The following MAP2K6 variants were observed in gnomAD, a reference collection of about 807,000 sequenced individuals.
MAP2K6 encodes the protein dual specificity mitogen-activated protein kinase kinase 6.
MAP2K6 carries 16 observed loss-of-function variants against 53.7 expected under a neutral mutation model. The ratio of observed to expected loss-of-function variants is 0.30; its 90% CI spans 0.20 to 0.45. The LOEUF is 0.45. Among genes scored for constraint, MAP2K6 ranks in the 20% least tolerant of loss-of-function variants. MAP2K6 has a pLI of 1.00. For missense variants in MAP2K6, 204 were observed against 411.9 expected, an observed-to-expected ratio of 0.50 and a Z score of 4.37; for synonymous variants, 132 against 143.1, an observed-to-expected ratio of 0.92 and a Z score of 0.55.
rs990361751 is a variant in MAP2K6 at position 69,544,214 on chromosome 17, A to C, written c.*2461A>C. ...CCTCATCAGTGGAAATCTCTTTGTC[A>C]CTCTGAGAGAAGGCATGTACCTGGG... On this transcript the variant is annotated 3_prime_UTR_variant, in exon 12 of 12. Transcript: ENST00000590474. 1.3e-5 allele frequency: 2 copies of C among 152,128 alleles called. No homozygotes were observed. The highest frequency in any genetic ancestry group is 4.8e-5 in the African/African-American group (2 of 41,418). The allele number at this position is 152,128 out of a possible 1,614,324, so 9.4% of individuals were successfully genotyped here. A position where few individuals can be genotyped will look rare whatever the true frequency, so the allele number is the denominator to read the frequency against.
chr17:69,519,844 G>A (rs1910373882), intron 5 of MAP2K6: 1 of 217,182 alleles, frequency 4.6e-6, no homozygotes. Flanking sequence ...CCACTTTAGC[G>A]TTATATGGAT....
chr17:69,505,540 T>C (rs1364239467), intron 1 of MAP2K6: 2 of 371,434 alleles, frequency 5.4e-6, no homozygotes, highest in African/African-American at 2.1e-5. Flanking sequence ...CTCATCCTGA[T>C]GTTTGCCCCC....
chr17:69,519,682 T>C (rs770142830), intron 5 of MAP2K6: 1 of 452,018 alleles, frequency 2.2e-6, no homozygotes, highest in Non-Finnish European at 4.0e-6. Context: ...TTTGTTTATC[T>C]TGGCAGAACT....
intron 1 of MAP2K6, among the ~76,000 whole-genome samples, chr17:69,449,529 T>TTCTC (rs1368624796): frequency 5.9e-5 from 6 of 101,382 alleles, no homozygotes; most frequent in East Asian, 4.3e-4. Flanking sequence ...CTTTCTTTCT[T>TTCTC]TGTCTTTCTT....
intron 1 of MAP2K6, among the ~76,000 whole-genome samples, chr17:69,489,795 T>C (rs918528283): frequency 7.9e-5 from 12 of 152,250 alleles, no homozygotes; most frequent in Non-Finnish European, 1.6e-4. Context: ...GTCTTTGCTT[T>C]TTAATTGGGC....
chr17:69,520,707 T>G (rs1005903287), intron 6 of MAP2K6: 1 of 378,376 alleles, frequency 2.6e-6, no homozygotes, highest in Non-Finnish European at 4.7e-6. Flanking sequence ...AATGTTCTCT[T>G]GAGACTAGTA....
intron 1 of MAP2K6, among the ~76,000 whole-genome samples, chr17:69,449,609 C>CTTT (rs757595417): frequency 2.7e-4 from 19 of 70,006 alleles, no homozygotes; most frequent in Admixed American, 6.8e-4. Flanking sequence ...CTTTCTCTCT[C>CTTT]TTTTTTTTTT....
chr17:69,447,064 G>T (rs1010833570), intron 1 of MAP2K6, among the ~76,000 whole-genome samples: 1 of 144,742 alleles, frequency 6.9e-6, no homozygotes. Context: ...TGCAACCTCC[G>T]CCTCCCAGGT....
chr17:69,471,695 C>CA (rs533046922), intron 1 of MAP2K6, among the ~76,000 whole-genome samples: 48 of 151,978 alleles, frequency 3.2e-4, no homozygotes, highest in Middle Eastern at 3.4e-3. Flanking sequence ...TAAAGGAAAA[C>CA]AAAAAAACCC....
At position 69,499,234 on chromosome 17, in the gene MAP2K6, AATTTG is replaced by A. The variant is rs1219605655; in HGVS notation, c.17-6544_17-6540del. Among the ~76,000 whole-genome samples, 8 of 152,350 alleles carry A rather than the reference AATTTG, an allele frequency of 5.3e-5. No homozygotes were observed. The East Asian group carries it at 1.5e-3, about 29-fold the overall frequency. ...ACGAAAGAGGGAGAATGGAGCACGG[AATTTG>A]AAGAAATAAGATGCCATCCAGGGAA... is the stretch of plus-strand genomic sequence containing the variant. On this transcript the variant is annotated intron_variant, in intron 1 of 11. Coordinates refer to ENST00000590474, the MANE Select transcript of MAP2K6 (RefSeq NM_002758.4).
intron 1 of MAP2K6, among the ~76,000 whole-genome samples, chr17:69,489,845 G>C (rs796738465): frequency 4.6e-5 from 7 of 152,324 alleles, no homozygotes; most frequent in African/African-American, 1.7e-4. Flanking sequence ...AGTGGGAAAT[G>C]CGCTAAGCCA....
chr17:69,502,507 A>G (rs1043031165), intron 1 of MAP2K6: 4 of 985,294 alleles, frequency 4.1e-6, no homozygotes, highest in Non-Finnish European at 4.8e-6. Flanking sequence ...CTAACACTGT[A>G]ATTCAACTAG....
chr17:69,434,191 A>G (rs1046947225), intron 1 of MAP2K6: 1 of 152,184 alleles, frequency 6.6e-6, no homozygotes, highest in African/African-American at 2.4e-5. Flanking sequence ...TGGGTTGATT[A>G]GTACTGAATG....
At position 69,466,847 on chromosome 17, in the gene MAP2K6, A is replaced by G. The variant is rs184777242; in HGVS notation, c.17-38933A>G. Among the ~76,000 whole-genome samples, 533 of 152,278 alleles carry G rather than the reference A, an allele frequency of 3.5e-3. 1 individual carries two copies. The highest frequency in any genetic ancestry group is 5.5e-3 in the Non-Finnish European group (374 of 68,026). On this transcript the variant is annotated intron_variant, in intron 1 of 11. Transcript: ENST00000590474. ...CTAGGATTCACTTATGTTATCAGTT[A>G]AATAGGCTTTTGTTGGGCTGATGGT...
In MAP2K6 at chr17:69,541,819, C is replaced by T; in HGVS notation, c.*66C>T. The stretch of plus-strand genomic sequence containing the variant: ...TGGGTTTCGGGGTGAAGCAAGTTCA[C>T]TACAGCATCAATAGAAAGTCATCTT... On this transcript the variant is annotated 3_prime_UTR_variant, in exon 12 of 12. Coordinates refer to ENST00000590474, the MANE Select transcript of MAP2K6 (RefSeq NM_002758.4). 9.7e-6 allele frequency: 11 copies of T among 1,139,512 alleles called. No individual in the cohort carries two copies. The highest frequency in any genetic ancestry group is 1.4e-5 in the Non-Finnish European group (11 of 763,458). The allele number at this position is 1,139,512 out of a possible 1,614,324, so 70.6% of individuals were successfully genotyped here.
intron 1 of MAP2K6, among the ~76,000 whole-genome samples, chr17:69,417,586 T>C (rs746336768): frequency 4.1e-4 from 62 of 152,322 alleles, no homozygotes; most frequent in Middle Eastern, 3.4e-3. Flanking sequence ...ATATTAGCTG[T>C]CTGGGGTTGA....
chr17:69,515,228 C>T lies in MAP2K6; in HGVS notation c.84-1627C>T, dbSNP rs538068382. Among the ~76,000 whole-genome samples the T allele has an allele frequency of 1.5e-3, 228 of 151,908 alleles. 1 individual carries two copies. Among genetic ancestry groups the T allele is most frequent in the African/African-American group, 5.4e-3 (223 of 41,380 alleles). Reference sequence around the variant, plus strand: ...CTGGAGTGTAATGGCACAATCTCGGCTCACTGCAACCTCCGCCTTCCGGGT... The same window carrying T: ...CTGGAGTGTAATGGCACAATCTCGGTTCACTGCAACCTCCGCCTTCCGGGT... On this transcript the variant is annotated intron_variant, in intron 2 of 11. Transcript: ENST00000590474.
At position 69,552,568 on chromosome 17, in the gene MAP2K6, T is replaced by G. The variant is rs1055655085; in HGVS notation, c.*10815T>G. 2 of 152,200 alleles carry G rather than the reference T, an allele frequency of 1.3e-5. No individual in the cohort carries two copies. The highest frequency in any genetic ancestry group is 4.8e-5 in the African/African-American group (2 of 41,448). The allele number at this position is 152,200 out of a possible 1,614,324, so 9.4% of individuals were successfully genotyped here. ...CTGTAAAGCATGTGGGTGGAATGTT[T>G]CCATGCTCTTGAGGTGAATATTAAA... On this transcript the variant is annotated 3_prime_UTR_variant, in exon 12 of 12. Coordinates refer to ENST00000590474, the MANE Select transcript of MAP2K6 (RefSeq NM_002758.4).
rs2144881656 is a variant in MAP2K6, at chr17:69,544,307, T to C, written c.*2554T>C. 2 of 152,308 alleles carry C rather than the reference T, an allele frequency of 1.3e-5. No individual in the cohort carries two copies. The highest frequency in any genetic ancestry group is 6.8e-3 in the Middle Eastern group (2 of 292). The allele number at this position is 152,308 out of a possible 1,614,324, so 9.4% of individuals were successfully genotyped here. On this transcript the variant is annotated 3_prime_UTR_variant, in exon 12 of 12. Coordinates refer to ENST00000590474, the MANE Select transcript of MAP2K6 (RefSeq NM_002758.4). ...ATATTTTGCACTGTTATTAAATATC[T>C]TACACGGTAAAGTCAAAAGAATGAC...
Sources: allele counts gnomAD v4.1 joint callset (sites outside exome capture counted in the v4.1 genomes callset), GRCh38; gene constraint gnomAD v4.1.1; transcripts MANE v1.5; gene names NCBI Gene and HGNC (gene_info 2026-07-23, HGNC 2026-07-21).